The following CELF2 variants were observed in gnomAD, a reference collection of about 807,000 sequenced individuals.
The protein encoded by CELF2 is CUGBP Elav-like family member 2.
CELF2 carries 8 observed loss-of-function variants against 62.6 expected under a neutral mutation model. The ratio of observed to expected loss-of-function variants is 0.13; its 90% confidence interval spans 0.07 to 0.23. CELF2 has a LOEUF of 0.23. Among genes scored for constraint, CELF2 ranks in the 10% least tolerant of loss-of-function variants. CELF2 has a pLI of 1.00. For synonymous variants in CELF2, 258 were observed against 250.0 expected, an observed-to-expected ratio of 1.03 and a Z score of -0.30; for missense variants, 333 against 671.0, an observed-to-expected ratio of 0.50 and a Z score of 5.56.
chr10:10,850,465 C>A (rs558822654), intron 1 of CELF2, among the ~76,000 whole-genome samples: 3 of 152,280 alleles, frequency 2.0e-5, no homozygotes, highest in Admixed American at 2.0e-4. Context: ...TTCAGAGCTA[C>A]GCTGATTGGA....
chr10:10,756,579 C>G, the CELF2 span, among the ~76,000 whole-genome samples: 3 of 152,016 alleles, frequency 2.0e-5, no homozygotes, highest in Non-Finnish European at 4.4e-5. Context: ...CCTTAGATTC[C>G]CATTGACTAG....
At chr10:10,976,400 T>C (rs746950338) in intron 2 of CELF2, among the ~76,000 whole-genome samples, 9 of 152,246 alleles carry the variant, frequency 5.9e-5, no homozygotes, top group Non-Finnish European at 1.0e-4. Context: ...AGGGCTCTGT[T>C]GTAGACAGAG....
At chr10:10,994,828 C>G (rs970402489) in intron 2 of CELF2, among the ~76,000 whole-genome samples, 1 of 151,716 alleles carries the variant, frequency 6.6e-6, no homozygotes, top group Admixed American at 6.6e-5. Flanking sequence ...TGTTTCTCCA[C>G]CTTTGTCAAT....
intron 12 of CELF2, among the ~76,000 whole-genome samples, chr10:11,326,523 T>G (rs1336147671): frequency 6.6e-6 from 1 of 152,190 alleles, no homozygotes; most frequent in Non-Finnish European, 1.5e-5. Context: ...TCCAGGGGCG[T>G]GCAGCTGTTA....
At chr10:10,742,190 A>G in the CELF2 span, among the ~76,000 whole-genome samples, 1 of 151,752 alleles carries the variant, frequency 6.6e-6, no homozygotes, top group Non-Finnish European at 1.5e-5. Flanking sequence ...TCATTTCATT[A>G]TACTGTTAAT....
chr10:10,610,014 G>A, the CELF2 span, among the ~76,000 whole-genome samples: 4 of 152,162 alleles, frequency 2.6e-5, no homozygotes, highest in African/African-American at 9.7e-5. Context: ...CATTCTAAAT[G>A]TAAACATTAT....
At chr10:10,908,201 A>C (rs1017174257) in intron 1 of CELF2, among the ~76,000 whole-genome samples, 6 of 103,134 alleles carry the variant, frequency 5.8e-5, no homozygotes, top group African/African-American at 2.1e-4. Context: ...CTTGTCAAAG[A>C]ATGTATGAGG....
chr10:11,005,392 G>C lies in CELF2; in HGVS notation c.5G>C (p.Arg2Pro). ...TGAGACTATCAGTATAGAAGCATGCGCTGTCCCAAATCCGCTGTTACTATG... is the reference window on the plus strand; with the variant it reads ...TGAGACTATCAGTATAGAAGCATGCCCTGTCCCAAATCCGCTGTTACTATG... Residue 2 changes from arginine (R) to proline (P), a missense_variant, in exon 1 of 13, where the codon CGC becomes CCC. Transcript: ENST00000416382. This position sits in a 1 kb window ranked among gnomAD's most constrained non-coding sequence, Gnocchi z 4.3. 6.2e-7 allele frequency: 1 copy of C among 1,613,842 alleles called. No individual in the cohort carries two copies. The highest frequency in any genetic ancestry group is 8.5e-7 in the Non-Finnish European group (1 of 1,179,826).
the CELF2 span, among the ~76,000 whole-genome samples, chr10:10,781,071 C>G: frequency 4.0e-4 from 61 of 152,100 alleles, no homozygotes; most frequent in African/African-American, 1.4e-3. Flanking sequence ...GAAAATGAAC[C>G]CACTTACCAA....
the CELF2 span, among the ~76,000 whole-genome samples, chr10:10,743,250 G>A: frequency 9.8e-5 from 15 of 152,326 alleles, no homozygotes; most frequent in East Asian, 2.9e-3. Context: ...GTGAAATATA[G>A]CCAGTGGTCT....
rs373884004 is a variant in CELF2 at position 11,238,251 on chromosome 10, T to C, written c.355-10902T>C. Among the ~76,000 whole-genome samples the C allele has an allele frequency of 3.3e-3, 502 of 152,372 alleles. 6 individuals carry two copies. The highest frequency in any genetic ancestry group is 0.011 in the African/African-American group (474 of 41,592). On this transcript the variant is annotated intron_variant, in intron 3 of 12. Transcript: ENST00000633077. ...ATTTGAGCTCATTAATCAGTAGTGA[T>C]TGTGATCTTCCGAGTGTCGCACACA...
At chr10:10,891,300 T>A (rs1431579418) in intron 1 of CELF2, among the ~76,000 whole-genome samples, 2 of 152,104 alleles carry the variant, frequency 1.3e-5, no homozygotes, top group Non-Finnish European at 2.9e-5. Flanking sequence ...CAACACTAAC[T>A]TAGCCTGATA....
chr10:10,538,057 C>T, the CELF2 span, among the ~76,000 whole-genome samples: 1 of 152,076 alleles, frequency 6.6e-6, no homozygotes, highest in African/African-American at 2.4e-5. Context: ...AAGCACAAGC[C>T]CTAGAGGCAG....
intron 2 of CELF2, among the ~76,000 whole-genome samples, chr10:10,998,257 T>A (rs2054173207): frequency 6.6e-6 from 1 of 152,204 alleles, no homozygotes; most frequent in African/African-American, 2.4e-5. Context: ...CATGGCTTCC[T>A]AATGGCAGAG....
chr10:11,300,577 G>A lies in CELF2; in HGVS notation c.976+12025G>A, dbSNP rs1186608055. Among the ~76,000 whole-genome samples, 1 of 152,142 alleles carries A rather than the reference G, an allele frequency of 6.6e-6. No individual in the cohort carries two copies. The highest frequency in any genetic ancestry group is 2.4e-5 in the African/African-American group (1 of 41,434). On this transcript the variant is annotated intron_variant, in intron 9 of 12. Coordinates refer to ENST00000633077, the MANE Select transcript of CELF2 (RefSeq NM_001326342.2). This position sits in a 1 kb window ranked among gnomAD's most constrained non-coding sequence, Gnocchi z 5.5. ...CTCCCTGCCCAAACTATCTTCGAGG[G>A]ACTAAATTAAAATGAAAGGTGTGGT...
intron 1 of CELF2, among the ~76,000 whole-genome samples, chr10:11,037,818 T>C (rs2061207909): frequency 6.6e-6 from 1 of 152,226 alleles, no homozygotes; most frequent in Non-Finnish European, 1.5e-5. Flanking sequence ...TGTCATGATA[T>C]GCTTCTAGTT....
At chr10:10,492,739 G>A in the CELF2 span, among the ~76,000 whole-genome samples, 1 of 152,196 alleles carries the variant, frequency 6.6e-6, no homozygotes, top group East Asian at 1.9e-4. Flanking sequence ...TGGTTTGGCT[G>A]TGTCCCCACC....
At chr10:11,292,861 G>T (rs1335273595) in intron 9 of CELF2, among the ~76,000 whole-genome samples, 1 of 152,188 alleles carries the variant, frequency 6.6e-6, no homozygotes, top group Non-Finnish European at 1.5e-5. Flanking sequence ...TGCCTCATCA[G>T]CCCCTCAGTT....
intron 11 of CELF2, 67 bp from the exon 12 acceptor site, chr10:11,325,769 C>G (rs1272274915): frequency 6.9e-7 from 1 of 1,440,822 alleles, no homozygotes; most frequent in East Asian, 2.3e-5. Flanking sequence ...TAAAGTATTC[C>G]TAAGAAGGGA....
Sources: gnomAD v4.1 joint callset for allele counts (sites outside exome capture counted in the v4.1 genomes callset) on GRCh38, gnomAD v4.1.1 for gene constraint, Gnocchi (gnomAD v3.1) non-coding constraint, MANE v1.5 for transcripts, NCBI Gene and HGNC (gene_info 2026-07-23, HGNC 2026-07-21) for gene names.